TAOK2: variants seen among roughly 807,000 people sequenced by gnomAD.
TAOK2 encodes TAO kinase 2, also known as serine/threonine-protein kinase TAO2.
A neutral mutation model predicts 122.5 loss-of-function variants in TAOK2; 42 were observed. That is an observed-to-expected ratio of 0.34 (90% CI 0.27 to 0.44). The LOEUF is 0.44. TAOK2 is among the 20% of genes least tolerant of loss of function. The probability of loss-of-function intolerance (pLI) is 1.00; values close to 1 mark genes in which losing one functional copy is unlikely to be tolerated. For missense variants in TAOK2, 1,264 were observed against 1,644.9 expected (o/e 0.77, Z 4.01); for synonymous variants, 704 against 677.6 (o/e 1.04, Z -0.61).
In TAOK2 at chr16:29,983,255, G is replaced by A. The variant is rs1432632673; in HGVS notation, c.1183G>A (p.Glu395Lys). 1 of 1,609,322 alleles carries A rather than the reference G, an allele frequency of 6.2e-7. No individual in the cohort carries two copies. Among genetic ancestry groups the A allele is most frequent in the East Asian group, 2.2e-5 (1 of 44,894 alleles). ...EEEEEEEEGP[E>K]AREMAMMQEG... ...AGAGGAGGAGGAGGAAGAAGGCCCT[G>A]AAGCCCGGGAGATGGCCATGATGCA... Residue 395 changes from glutamate (E) to lysine (K), a missense_variant, in exon 12 of 16, where the codon GAA becomes AAA. Glu to Lys is a moderately conservative substitution (Grantham distance 56, BLOSUM62 1). Coordinates refer to ENST00000308893, the MANE Select transcript of TAOK2 (RefSeq NM_016151.4).
chr16:29,978,646 A>G (rs765931502), intron 4 of TAOK2, among the ~76,000 whole-genome samples, 153 bp from the exon 5 acceptor site: 1 of 152,108 alleles, frequency 6.6e-6, no homozygotes, highest in Admixed American at 6.5e-5. Context: ...CCCAGACTCT[A>G]GAAACTCTCC....
Position 29,985,416 on chromosome 16 carries a change from G to C in TAOK2, c.1626G>C (p.Leu542=). The change falls in exon 14 of 16, where the codon CTG becomes CTC. Residue 542 remains leucine (L), a synonymous_variant. Transcript: ENST00000308893. The surrounding 1 kb of genome is among the most constrained non-coding windows in gnomAD (Gnocchi z 6.9). ...GCTTTGGGGCAGAGGCAGAAAAGCTGGCCCGGCGGCACCAGGCCATAGGTG... is the reference window on the plus strand; with the variant it reads ...GCTTTGGGGCAGAGGCAGAAAAGCTCGCCCGGCGGCACCAGGCCATAGGTG... ...RAGFGAEAEK[L]ARRHQAIGEK... 6.2e-7 allele frequency: 1 copy of C among 1,608,622 alleles called. No homozygotes were observed. The highest frequency in any genetic ancestry group is 8.5e-7 in the Non-Finnish European group (1 of 1,177,616).
At chr16:29,991,165 C>T, downstream of TAOK2, 1 of 1,611,346 alleles carries the variant, frequency 6.2e-7, no homozygotes, top group South Asian at 1.1e-5. This position sits in a 1 kb window ranked among gnomAD's most constrained non-coding sequence, Gnocchi z 5.6. Context: ...CTGGGCTTCT[C>T]CAGCATGGCT....
At chr16:29,991,078 G>T (rs766146207), downstream of TAOK2, 49 of 1,583,134 alleles carry the variant, frequency 3.1e-5, 1 homozygote, top group South Asian at 5.6e-4. The surrounding 1 kb of genome is among the most constrained non-coding windows in gnomAD (Gnocchi z 5.6). Flanking sequence ...CTGCAGACAG[G>T]ACGCTCCGAG....
In TAOK2 at chr16:29,987,427, C is replaced by T; in HGVS notation, c.3155C>T (p.Ala1052Val). The change falls in exon 16 of 16, where the codon GCT (alanine) becomes GTT (valine). Residue 1052 changes from alanine (A) to valine (V), a missense_variant. Ala to Val is a moderately conservative substitution (Grantham distance 64). Around this residue, in one of 4 missense-constraint regions of TAOK2, gnomAD observed 824 missense variants for 908.7 expected, o/e 0.91. Transcript: ENST00000308893. The stretch of plus-strand genomic sequence containing the variant: ...GGCCTTGGAGCTGCCTGGCTCTTAG[C>T]TTGGCCAGGCCTAGCTCTACCTCTG... The part of the protein sequence containing the change: ...PLGLGAAWLL[A>V]WPGLALPLVA... The T allele has an allele frequency of 1.2e-6, 2 of 1,604,862 alleles. No individual in the cohort carries two copies. The highest frequency in any genetic ancestry group is 1.7e-6 in the Non-Finnish European group (2 of 1,174,150).
chr16:29,988,302 T>C lies in TAOK2; in HGVS notation c.*322T>C, dbSNP rs911920235. The C allele has an allele frequency of 1.4e-6, 2 of 1,441,558 alleles. No homozygotes were observed. Among genetic ancestry groups the C allele is most frequent in the African/African-American group, 2.8e-5 (2 of 70,292 alleles). 89.3% of individuals were successfully genotyped at this position (1,441,558 alleles called of 1,614,324 possible). Reference sequence around the variant, plus strand: ...AAGAGTCATGTTTTTTTTCTCCTCTTTGATTTTGTTTTTCTGTCTCCCTTC... The same window carrying C: ...AAGAGTCATGTTTTTTTTCTCCTCTCTGATTTTGTTTTTCTGTCTCCCTTC... On this transcript the variant is annotated 3_prime_UTR_variant, in exon 16 of 16. Coordinates refer to ENST00000308893, the MANE Select transcript of TAOK2 (RefSeq NM_016151.4).
chr16:29,987,155 C>G lies in TAOK2; in HGVS notation c.2883C>G (p.Ser961=). The change falls in exon 16 of 16, where the codon TCC becomes TCG. Residue 961 remains serine, a synonymous_variant. Transcript: ENST00000308893. ...LLAGLSFAVG[S]SSGLLPLLLL... is the part of the protein sequence containing the mutation. ...CCGGCCTCTCCTTTGCAGTGGGGTC[C>G]TCCTCTGGCCTCCTGCCCCTCCTGC... is the stretch of plus-strand genomic sequence containing the variant. The G allele has an allele frequency of 6.4e-7, 1 of 1,571,058 alleles. No individual in the cohort carries two copies. The highest frequency in any genetic ancestry group is 8.6e-7 in the Non-Finnish European group (1 of 1,163,270).
At position 29,974,462 on chromosome 16, in the gene TAOK2, G is replaced by A. The variant is rs1469708031; in HGVS notation, c.-222G>A. The A allele has an allele frequency of 6.6e-6, 1 of 152,572 alleles. No homozygotes were observed. Among genetic ancestry groups the A allele is most frequent in the Non-Finnish European group, 1.5e-5 (1 of 68,024 alleles). The allele number at this position is 152,572 out of a possible 1,614,324, so 9.5% of individuals were successfully genotyped here. ...ACGAGGGGGAGGACTGGACCGCGAG[G>A]TCAGATTAGGTTGTCACCCCCTCCC... On this transcript the variant is annotated 5_prime_UTR_variant, in exon 1 of 16. Coordinates refer to ENST00000308893, the MANE Select transcript of TAOK2 (RefSeq NM_016151.4).
intron 8 of TAOK2, 174 bp from the exon 9 acceptor site, chr16:29,981,487 T>C (rs2069613337): frequency 2.9e-6 from 2 of 686,648 alleles, no homozygotes; most frequent in Non-Finnish European, 5.4e-6. Context: ...ATGGGTGTTG[T>C]ATTTTACAGA....
chr16:29,987,992 C>T lies in TAOK2; in HGVS notation c.*12C>T. Reference sequence around the variant, plus strand: ...CCCCCTGGAGGTAGCTGACTCCAGCCCTTCCAGCCCAAATCTAGAGCATTG... The same window carrying T: ...CCCCCTGGAGGTAGCTGACTCCAGCTCTTCCAGCCCAAATCTAGAGCATTG... On this transcript the variant is annotated 3_prime_UTR_variant, in exon 16 of 16. Coordinates refer to ENST00000308893, the MANE Select transcript of TAOK2 (RefSeq NM_016151.4). The T allele has an allele frequency of 6.6e-7, 1 of 1,514,678 alleles. No homozygotes were observed. The highest frequency in any genetic ancestry group is 1.3e-5 in the South Asian group (1 of 77,430). The allele number at this position is 1,514,678 out of a possible 1,614,324, so 93.8% of individuals were successfully genotyped here. A position where few individuals can be genotyped will look rare whatever the true frequency, so the allele number is the denominator to read the frequency against.
At position 29,987,912 on chromosome 16, in the gene TAOK2, C is replaced by T. The variant is rs1203382573; in HGVS notation, c.3640C>T (p.Leu1214=). The change falls in exon 16 of 16, where the codon CTG becomes TTG. Residue 1214 remains leucine (L), a synonymous_variant. Transcript: ENST00000308893. ...AGGGCCCCCTGCCTCCCGCCAGCCA[C>T]TGCCAGGGACTCTAGCCGGGCGGAG... ...QLGPPASRQP[L]PGTLAGRRSR... 1.9e-6 allele frequency: 3 copies of T among 1,579,508 alleles called. No individual in the cohort carries two copies. Among genetic ancestry groups the T allele is most frequent in the Non-Finnish European group, 1.7e-6 (2 of 1,167,204 alleles).
At chr16:29,983,019 A>C (rs745807881) in intron 11 of TAOK2, 53 bp from the exon 12 acceptor site, 14 of 1,609,426 alleles carry the variant, frequency 8.7e-6, no homozygotes, top group Non-Finnish European at 1.2e-5. Context: ...ACCTCCATGC[A>C]TATGCCCCAG....
Position 29,979,111 on chromosome 16 carries a change from C to G in TAOK2, c.449+41C>G. The G allele has an allele frequency of 1.2e-6, 2 of 1,612,490 alleles. No homozygotes were observed. Among genetic ancestry groups the G allele is most frequent in the Non-Finnish European group, 1.7e-6 (2 of 1,178,510 alleles). ...GCAGTGCCTGGGAGGGGAGTGCTAT[C>G]TGCACCACCTGTCACTTAGCTGGGC... On this transcript the variant is annotated intron_variant, in intron 6 of 15. Transcript: ENST00000308893. This position sits in a 1 kb window ranked among gnomAD's most constrained non-coding sequence, Gnocchi z 4.1.
At chr16:29,982,108 C>T (rs2069636577) in intron 10 of TAOK2, among the ~76,000 whole-genome samples, 168 bp downstream of exon 10, 1 of 152,168 alleles carries the variant, frequency 6.6e-6, no homozygotes, top group Non-Finnish European at 1.5e-5. Flanking sequence ...AAGATTTTGT[C>T]TACCAGACTG....
At chr16:29,977,937 T>C in intron 2 of TAOK2, 33 bp downstream of exon 2, 1 of 1,614,024 alleles carries the variant, frequency 6.2e-7, no homozygotes, top group Non-Finnish European at 8.5e-7. Flanking sequence ...GTAATAGGGA[T>C]GGGGACTCTT....
In TAOK2 at chr16:29,986,026, A is replaced by G. The variant is rs535637652; in HGVS notation, c.1992+165A>G. Among the ~76,000 whole-genome samples, 13 of 152,262 alleles carry G rather than the reference A, an allele frequency of 8.5e-5. No individual in the cohort carries two copies. Among genetic ancestry groups the G allele is most frequent in the African/African-American group, 3.1e-4 (13 of 41,548 alleles). ...CTTCTCATCCCCAACAGACCCTGCC[A>G]GAATTTCCTTAGGCCTCTTTTCCCA... On this transcript the variant is annotated intron_variant, in intron 15 of 15. Transcript: ENST00000308893. The surrounding 1 kb of genome is among the most constrained non-coding windows in gnomAD (Gnocchi z 4.2).
rs1452310830 is a variant in TAOK2 at position 29,983,528 on chromosome 16, C to T, written c.1286C>T (p.Pro429Leu). The change falls in exon 13 of 16, where the codon CCC (proline) becomes CTC (leucine). Residue 429 changes from proline to leucine, a missense_variant. Pro to Leu is a moderately conservative substitution (Grantham distance 98). This residue lies in a region of TAOK2 where 122 missense variants were observed against 116.7 expected (regional missense o/e 1.04). Transcript: ENST00000308893. ...LPGSDNLYDD[P>L]YQPEITPSPL... The stretch of plus-strand genomic sequence containing the variant: ...GGCTCTGACAACCTATATGATGACC[C>T]CTACCAGCCAGAGATAACCCCCAGC... 2.5e-6 allele frequency: 4 copies of T among 1,613,058 alleles called. No individual in the cohort carries two copies. Among genetic ancestry groups the T allele is most frequent in the Admixed American group, 1.7e-5 (1 of 59,926 alleles).
intron 9 of TAOK2, 23 bp from the exon 10 acceptor site, chr16:29,981,825 CCCCACCCCTCT>C: frequency 6.3e-7 from 1 of 1,583,612 alleles, no homozygotes; most frequent in Non-Finnish European, 8.7e-7. Context: ...CTCATGCCTT[CCCCACCCCTCT>C]CCCACCCTCC....
At chr16:29,992,107 T>C (rs576355841), downstream of TAOK2, 9 of 150,592 alleles carry the variant, frequency 6.0e-5, no homozygotes, top group Non-Finnish European at 1.0e-4. Flanking sequence ...TTTTTTTTTT[T>C]AATTGGGATC....
Sources: gnomAD v4.1 joint callset for allele counts (sites outside exome capture counted in the v4.1 genomes callset) on GRCh38, gnomAD v4.1.1 for gene constraint, gnomAD v4.1.1 regional missense constraint, Gnocchi (gnomAD v3.1) non-coding constraint, MANE v1.5 for transcripts, NCBI Gene and HGNC (gene_info 2026-07-23, HGNC 2026-07-21) for gene names.